Variants in NT5C1B observed in about 807,000 individuals in gnomAD.
The protein encoded by NT5C1B is cytosolic 5'-nucleotidase 1B.
Under a neutral mutation model 57.8 loss-of-function variants are expected in NT5C1B, and 44 were observed. The ratio of observed to expected loss-of-function variants is 0.76; its 90% confidence interval spans 0.60 to 0.98. The LOEUF (loss-of-function observed/expected upper bound fraction) is 0.98. NT5C1B is among the 50% of genes least tolerant of loss of function. The probability of loss-of-function intolerance (pLI) is 0.00; values close to 1 mark genes in which losing one functional copy is unlikely to be tolerated. For missense variants in NT5C1B, 742 were observed against 719.5 expected (o/e 1.03, Z -0.36); for synonymous variants, 284 against 282.6 (o/e 1.00, Z -0.05).
chr2:18,579,642 A>G (rs1000602565), intron 6 of NT5C1B, among the ~76,000 whole-genome samples: 5 of 152,204 alleles, frequency 3.3e-5, no homozygotes, highest in African/African-American at 9.7e-5. Context: ...AATTAACTCA[A>G]GATGGATTAA....
chr2:18,586,370 G>T (rs375353460), exon 3 of NT5C1B: 1 of 1,614,034 alleles, frequency 6.2e-7, no homozygotes, highest in Non-Finnish European at 8.5e-7. Context: ...TCTGTCTTCC[G>T]CAGTGATGAT....
intron 1 of NT5C1B, among the ~76,000 whole-genome samples, chr2:18,589,044 G>A (rs1001763612): frequency 2.0e-5 from 3 of 152,032 alleles, no homozygotes; most frequent in African/African-American, 7.2e-5. Context: ...TGTGTTCCTT[G>A]TGTCTTTTGT....
chr2:18,583,144 C>A, intron 5 of NT5C1B, 147 bp from the exon 6 acceptor site: 1 of 1,074,934 alleles, frequency 9.3e-7, no homozygotes, highest in Non-Finnish European at 1.3e-6. Context: ...AAGATTTATC[C>A]CATGCATTTC....
At chr2:18,573,712 G>A (rs573005739) in intron 8 of NT5C1B, among the ~76,000 whole-genome samples, 1 of 152,212 alleles carries the variant, frequency 6.6e-6, no homozygotes, top group East Asian at 1.9e-4. Context: ...CAACATACTT[G>A]AATGTCTTCA....
At chr2:18,588,016 A>G (rs1214763748) in intron 1 of NT5C1B, among the ~76,000 whole-genome samples, 2 of 152,174 alleles carry the variant, frequency 1.3e-5, no homozygotes, top group Non-Finnish European at 2.9e-5. Flanking sequence ...ACTACAGCTC[A>G]AACTTTTTGT....
At chr2:18,565,399 T>C (rs185646675) in intron 8 of NT5C1B, among the ~76,000 whole-genome samples, 3 of 152,318 alleles carry the variant, frequency 2.0e-5, no homozygotes, top group Non-Finnish European at 1.5e-5. Context: ...CCTGAGAATA[T>C]AGTATATTCT....
At chr2:18,571,730 A>G (rs1443460718) in intron 8 of NT5C1B, among the ~76,000 whole-genome samples, 3,119 of 30,202 alleles carry the variant, frequency 0.1, 146 homozygotes, top group African/African-American at 0.3. Flanking sequence ...ATATATATAT[A>G]TATATATATA....
At chr2:18,564,251 G>A in intron 8 of NT5C1B, 132 bp from the exon 9 acceptor site, 1 of 1,061,950 alleles carries the variant, frequency 9.4e-7, no homozygotes, top group Non-Finnish European at 1.2e-6. Context: ...TTATGAAGCT[G>A]ATGGCAAAAT....
chr2:18,576,623 A>G, intron 7 of NT5C1B, 150 bp downstream of exon 7: 1 of 1,360,976 alleles, frequency 7.3e-7, no homozygotes, highest in Non-Finnish European at 9.9e-7. Context: ...CAAAGCTCTA[A>G]AGGACAGACT....
exon 8 of NT5C1B, chr2:18,576,331 G>C (rs751853491): frequency 1.2e-6 from 2 of 1,613,548 alleles, no homozygotes; most frequent in African/African-American, 1.3e-5. Context: ...AGTAAGCCAT[G>C]TCTTTGGCTC....
At chr2:18,567,776 G>C (rs1454784130) in intron 8 of NT5C1B, among the ~76,000 whole-genome samples, 2 of 152,072 alleles carry the variant, frequency 1.3e-5, no homozygotes, top group Non-Finnish European at 2.9e-5. Flanking sequence ...AAAAGAACTA[G>C]ACTTAGTAAT....
chr2:18,586,724 T>C (rs1666744392), intron 2 of NT5C1B: 3 of 597,630 alleles, frequency 5.0e-6, no homozygotes, highest in Non-Finnish European at 8.5e-6. Flanking sequence ...CCCTCGAGGA[T>C]AAGCCTGTTA....
chr2:18,568,479 G>T (rs1401007843), intron 8 of NT5C1B, among the ~76,000 whole-genome samples: 8 of 152,082 alleles, frequency 5.3e-5, no homozygotes, highest in Admixed American at 5.2e-4. Context: ...TATGATAACA[G>T]AGAAAAACCT....
intron 8 of NT5C1B, among the ~76,000 whole-genome samples, chr2:18,564,616 G>C (rs1186654458): frequency 6.6e-6 from 1 of 152,074 alleles, no homozygotes; most frequent in African/African-American, 2.4e-5. Flanking sequence ...CCAAACACTT[G>C]GTTTTAGTAT....
In NT5C1B at chr2:18,584,243, TC is replaced by T. The variant is rs1015407282; in HGVS notation, c.735del (p.Asn246ThrfsTer42). The stretch of plus-strand genomic sequence containing the variant: ...GATGAGAGAGCAATGGTGATGGCGT[TC>T]TTGGGTTTGGGCTGCAGAGAGGGAC... On this transcript the variant is annotated frameshift_variant, in exon 5 of 9. Coordinates refer to ENST00000304081, the Ensembl canonical transcript of NT5C1B. LOFTEE classifies it high-confidence loss of function. This position sits in a 1 kb window ranked among gnomAD's most constrained non-coding sequence, Gnocchi z 5.8. The T allele has an allele frequency of 1.2e-6, 2 of 1,613,776 alleles. No homozygotes were observed. The highest frequency in any genetic ancestry group is 8.5e-7 in the Non-Finnish European group (1 of 1,179,770).
chr2:18,586,301 T>G (rs1234123654), exon 3 of NT5C1B: 2 of 1,614,062 alleles, frequency 1.2e-6, no homozygotes, highest in East Asian at 2.2e-5. Context: ...GATGGAGCCT[T>G]GGTGGATGGG....
exon 8 of NT5C1B, chr2:18,576,277 G>A (rs1438485095): frequency 2.5e-6 from 4 of 1,613,740 alleles, no homozygotes; most frequent in African/African-American, 2.7e-5. Context: ...CATCAGAGAA[G>A]AGGACAGCAT....
intron 8 of NT5C1B, among the ~76,000 whole-genome samples, chr2:18,574,387 A>C (rs973156064): frequency 6.6e-5 from 10 of 152,184 alleles, no homozygotes; most frequent in African/African-American, 2.4e-4. Context: ...CAGAAATGTC[A>C]AATGGTATAG....
chr2:18,569,201 T>C (rs1033302273), intron 8 of NT5C1B, among the ~76,000 whole-genome samples: 1 of 152,192 alleles, frequency 6.6e-6, no homozygotes, highest in South Asian at 2.1e-4. Context: ...TAAAGTTGTA[T>C]ATTGTAAACA....
Sources: allele counts gnomAD v4.1 joint callset (sites outside exome capture counted in the v4.1 genomes callset), GRCh38; gene constraint gnomAD v4.1.1; non-coding constraint Gnocchi (gnomAD v3.1); transcripts MANE v1.5; gene names NCBI Gene and HGNC (gene_info 2026-07-23, HGNC 2026-07-21).